SGCD: variants seen among roughly 807,000 people sequenced by gnomAD.
SGCD encodes the protein sarcoglycan delta.
A neutral mutation model predicts 36.6 loss-of-function variants in SGCD; 18 were observed. The observed-to-expected ratio is 0.49, with a 90% CI of 0.34 to 0.73. SGCD has a LOEUF of 0.73. SGCD is among the 30% of genes least tolerant of loss of function. The probability of loss-of-function intolerance (pLI) is 0.01; values close to 1 mark genes in which losing one functional copy is unlikely to be tolerated. For missense variants in SGCD, 387 were observed against 346.7 expected, an observed-to-expected ratio of 1.12 and a Z score of -0.92; for synonymous variants, 133 against 130.6, an observed-to-expected ratio of 1.02 and a Z score of -0.12.
intron 3 of SGCD, among the ~76,000 whole-genome samples, chr5:156,472,624 A>C (rs1288067995): frequency 1.3e-5 from 2 of 152,046 alleles, no homozygotes; most frequent in African/African-American, 4.8e-5. Flanking sequence ...CACCATGTTG[A>C]CCAGGCTGGT....
chr5:156,497,183 CTCTCTCTCTCTCTCTCT>C (rs1756235016), intron 3 of SGCD, among the ~76,000 whole-genome samples: 4 of 32,522 alleles, frequency 1.2e-4, no homozygotes, highest in Non-Finnish European at 3.0e-4. Context: ...CTCTCTCTCT[CTCTCTCTCTCTCTCTCT>C]CTCTCTGCGT....
chr5:156,234,985 T>C (rs1356501013), intron 3 of SGCD, among the ~76,000 whole-genome samples: 2 of 152,230 alleles, frequency 1.3e-5, no homozygotes, highest in Non-Finnish European at 2.9e-5. Flanking sequence ...GTATATTCTA[T>C]CAGTGTATAA....
the SGCD span, among the ~76,000 whole-genome samples, chr5:155,761,677 T>C: frequency 6.8e-6 from 1 of 147,830 alleles, no homozygotes; most frequent in Non-Finnish European, 1.5e-5. Flanking sequence ...TCCATCATCA[T>C]CTCCATCATC....
At chr5:156,073,162 T>G (rs1037036123) in intron 1 of SGCD, among the ~76,000 whole-genome samples, 1 of 152,210 alleles carries the variant, frequency 6.6e-6, no homozygotes, top group African/African-American at 2.4e-5. Context: ...GTTTCATGAA[T>G]GAAATTCAGG....
intron 1 of SGCD, among the ~76,000 whole-genome samples, chr5:156,061,919 CTTTTTTTTTT>C (rs757769130): frequency 7.0e-5 from 5 of 71,762 alleles, no homozygotes; most frequent in East Asian, 7.2e-4. Context: ...GGAGTTTTCA[CTTTTTTTTTT>C]TTTTTTTTTT....
the SGCD span, among the ~76,000 whole-genome samples, chr5:155,790,415 G>T: frequency 6.6e-6 from 1 of 151,994 alleles, no homozygotes; most frequent in African/African-American, 2.4e-5. Context: ...TTAAATGCTA[G>T]CATGGAGACA....
At chr5:156,287,526 T>C (rs1209086930) in intron 3 of SGCD, among the ~76,000 whole-genome samples, 1 of 152,012 alleles carries the variant, frequency 6.6e-6, no homozygotes, top group Non-Finnish European at 1.5e-5. Context: ...AAATAGGTGG[T>C]AGGTCAGAGT....
At chr5:156,081,444 G>A (rs991124614) in intron 1 of SGCD, among the ~76,000 whole-genome samples, 2 of 152,140 alleles carry the variant, frequency 1.3e-5, no homozygotes, top group African/African-American at 4.8e-5. Context: ...CCTAGGCTGA[G>A]TGCAGTGGCA....
At chr5:156,141,004 C>T (rs1259363559) in intron 3 of SGCD, among the ~76,000 whole-genome samples, 6 of 152,158 alleles carry the variant, frequency 3.9e-5, no homozygotes, top group Non-Finnish European at 5.9e-5. Context: ...CTGCCCAGGG[C>T]TTCCTCAAGT....
the SGCD span, among the ~76,000 whole-genome samples, chr5:155,775,829 C>T: frequency 6.6e-6 from 1 of 152,132 alleles, no homozygotes; most frequent in Non-Finnish European, 1.5e-5. Flanking sequence ...TATGATGCTA[C>T]AGGGAACACA....
At chr5:155,997,740 C>T (rs1758581776) in intron 1 of SGCD, among the ~76,000 whole-genome samples, 1 of 152,186 alleles carries the variant, frequency 6.6e-6, no homozygotes, top group Non-Finnish European at 1.5e-5. Context: ...TTTTTAATCT[C>T]AGAAGATGTT....
At chr5:156,674,618 A>G (rs995252358) in intron 7 of SGCD, among the ~76,000 whole-genome samples, 1 of 152,188 alleles carries the variant, frequency 6.6e-6, no homozygotes, top group Non-Finnish European at 1.5e-5. Context: ...AGAAGGAGAG[A>G]GGATTTTAAC....
chr5:156,580,954 G>A lies in SGCD; in HGVS notation c.295-8277G>A, dbSNP rs1477853691. On this transcript the variant is annotated intron_variant, in intron 4 of 8. Transcript: ENST00000337851. ...CACTTTTTTCCGTTGCTGGTGAGGA[G>A]CTGCTATCCTTTGGAGGAGAAGAGG... Among the ~76,000 whole-genome samples the A allele has an allele frequency of 2.0e-5, 3 of 152,182 alleles. No individual in the cohort carries two copies. In the East Asian group the frequency reaches 5.8e-4, roughly 29 times the overall value.
At chr5:156,660,502 C>G (rs1763875918) in intron 7 of SGCD, among the ~76,000 whole-genome samples, 1 of 152,326 alleles carries the variant, frequency 6.6e-6, no homozygotes, top group African/African-American at 2.4e-5. Context: ...GAAACACAAG[C>G]AAAACCTCTC....
chr5:156,487,976 A>G (rs1755769345), intron 3 of SGCD, among the ~76,000 whole-genome samples: 1 of 147,010 alleles, frequency 6.8e-6, no homozygotes, highest in African/African-American at 2.5e-5. Context: ...ATATATATAT[A>G]TATATCAAAA....
chr5:156,467,354 A>G (rs1754762053), intron 3 of SGCD, among the ~76,000 whole-genome samples: 1 of 152,244 alleles, frequency 6.6e-6, no homozygotes, highest in Non-Finnish European at 1.5e-5. Flanking sequence ...GAATTTTGTT[A>G]AAATCTCAGT....
At position 156,483,411 on chromosome 5, in the gene SGCD, G is replaced by A. The variant is rs187679841; in HGVS notation, c.193-25190G>A. 7.6e-3 allele frequency among the ~76,000 whole-genome samples: 1,157 copies of A among 152,332 alleles called. 9 individuals are homozygous for A. Among genetic ancestry groups the A allele is most frequent in the South Asian group, 0.015 (71 of 4,832 alleles). ...GGGAGAAGGGAGTCACCCCAAGGTT[G>A]AGGGGAGAGAATTGATACAAATTGC... On this transcript the variant is annotated intron_variant, in intron 3 of 8. Coordinates refer to ENST00000337851, the MANE Select transcript of SGCD (RefSeq NM_000337.6).
chr5:156,584,599 A>G (rs186176052), intron 4 of SGCD, among the ~76,000 whole-genome samples: 4 of 152,210 alleles, frequency 2.6e-5, no homozygotes, highest in East Asian at 1.9e-4. Context: ...TATGTCCACA[A>G]GAATTTGAGT....
chr5:156,623,073 A>G (rs1762316558), intron 6 of SGCD, among the ~76,000 whole-genome samples: 2 of 152,124 alleles, frequency 1.3e-5, no homozygotes, highest in African/African-American at 4.8e-5. Flanking sequence ...TATAGTATAC[A>G]TATATATTTG....
Sources: gnomAD v4.1 joint callset for allele counts (sites outside exome capture counted in the v4.1 genomes callset) on GRCh38, gnomAD v4.1.1 for gene constraint, MANE v1.5 for transcripts, NCBI Gene and HGNC (gene_info 2026-07-23, HGNC 2026-07-21) for gene names.